Variants in KANK1 observed in about 807,000 individuals in gnomAD.
KANK1 encodes KN motif and ankyrin repeat domains 1.
In KANK1, 109 loss-of-function variants were observed where a neutral mutation model predicts 106.2. The observed-to-expected ratio is 1.03, with a 90% confidence interval of 0.88 to 1.20. The LOEUF (loss-of-function observed/expected upper bound fraction) is 1.20, where lower values mean the gene tolerates loss of function less well. Ranked by LOEUF, KANK1 falls within the 50% of genes most tolerant of loss-of-function variation. The pLI, the probability that KANK1 is intolerant of heterozygous loss-of-function variation, is 0.00. For synonymous variants in KANK1, 873 were observed against 652.2 expected (o/e 1.34, Z -5.16); for missense variants, 2,399 against 1,710.7 (o/e 1.40, Z -7.10).
chr9:694,613 C>G (rs1176219508), intron 2 of KANK1, among the ~76,000 whole-genome samples: 1 of 152,152 alleles, frequency 6.6e-6, no homozygotes, highest in Admixed American at 6.5e-5. Flanking sequence ...CTGTATAAAC[C>G]GCAAGGCCCC....
At chr9:472,567 T>C (rs2058040161) in intron 2 of KANK1, among the ~76,000 whole-genome samples, 1 of 152,178 alleles carries the variant, frequency 6.6e-6, no homozygotes, top group South Asian at 2.1e-4. Flanking sequence ...CTTTGGCCCA[T>C]AGAATGCGGC....
At chr9:727,874 C>T (rs770004811) in intron 3 of KANK1, among the ~76,000 whole-genome samples, 28 of 152,208 alleles carry the variant, frequency 1.8e-4, no homozygotes, top group Non-Finnish European at 3.7e-4. Context: ...AAATTCTAAG[C>T]CCCCTAACCA....
At chr9:508,279 A>G (rs2058865455) in intron 1 of KANK1, among the ~76,000 whole-genome samples, 1 of 151,422 alleles carries the variant, frequency 6.6e-6, no homozygotes, top group Admixed American at 6.6e-5. Context: ...CTGGGATTGC[A>G]GGCATCTGCC....
intron 11 of KANK1, 140 bp from the exon 12 acceptor site, chr9:745,033 C>G: frequency 6.6e-7 from 1 of 1,516,066 alleles, no homozygotes; most frequent in East Asian, 2.3e-5. Context: ...ACACCTGTTC[C>G]CTGTTCTCAG....
chr9:709,286 A>T (rs1825235899), intron 2 of KANK1, among the ~76,000 whole-genome samples: 1 of 152,212 alleles, frequency 6.6e-6, no homozygotes, highest in African/African-American at 2.4e-5. Flanking sequence ...ATGCTGCCAG[A>T]GTTAATCACT....
chr9:616,289 C>G (rs1484479493), intron 1 of KANK1, among the ~76,000 whole-genome samples: 1 of 152,134 alleles, frequency 6.6e-6, no homozygotes, highest in Non-Finnish European at 1.5e-5. Context: ...AGTGAGTCCT[C>G]AGCATTTAGG....
chr9:614,170 G>A (rs1186912379), intron 1 of KANK1, among the ~76,000 whole-genome samples: 1 of 152,164 alleles, frequency 6.6e-6, no homozygotes, highest in Admixed American at 6.5e-5. Context: ...AGGAGTTACT[G>A]ACAAGAGTTC....
At chr9:504,081 G>A (rs2058621223), upstream of KANK1, among the ~76,000 whole-genome samples, 1 of 152,150 alleles carries the variant, frequency 6.6e-6, no homozygotes, top group South Asian at 2.1e-4. Flanking sequence ...AGGAAACAGA[G>A]CTCTGCACGC....
chr9:519,371 T>G (rs898792635), intron 1 of KANK1, among the ~76,000 whole-genome samples: 1 of 151,850 alleles, frequency 6.6e-6, no homozygotes, highest in Non-Finnish European at 1.5e-5. Context: ...ATATTTTTCC[T>G]TCAGAAATTA....
chr9:618,490 G>C (rs6477035), intron 1 of KANK1, among the ~76,000 whole-genome samples: 1 of 151,952 alleles, frequency 6.6e-6, no homozygotes, highest in Non-Finnish European at 1.5e-5. Flanking sequence ...TTACAGTCGT[G>C]AGCTACCATG....
At chr9:560,487 T>C (rs1238132792) in intron 1 of KANK1, among the ~76,000 whole-genome samples, 3 of 152,130 alleles carry the variant, frequency 2.0e-5, no homozygotes, top group Non-Finnish European at 4.4e-5. Context: ...GAATTGAAGG[T>C]TGGATTGTGG....
chr9:556,172 AG>A (rs1301362558), intron 1 of KANK1, among the ~76,000 whole-genome samples: 1 of 152,220 alleles, frequency 6.6e-6, no homozygotes. Context: ...TTTAAAGAGG[AG>A]GAGAAATTTT....
chr9:664,732 A>G (rs1240827607), intron 1 of KANK1, among the ~76,000 whole-genome samples: 1 of 152,132 alleles, frequency 6.6e-6, no homozygotes, highest in African/African-American at 2.4e-5. Context: ...CTACTTTTAC[A>G]TTTTTGAGGA....
intron 3 of KANK1, among the ~76,000 whole-genome samples, chr9:496,589 TAAATA>T (rs895491810): frequency 5.3e-5 from 8 of 152,142 alleles, no homozygotes; most frequent in Non-Finnish European, 1.2e-4. Flanking sequence ...AATTCATAAA[TAAATA>T]AATGAAAGAA....
At position 541,393 on chromosome 9, in the gene KANK1, C is replaced by T. The variant is rs191341920; in HGVS notation, c.-84+36639C>T. ...ATCCACATACAGAAAAATTAAACCCCTTTCTCACACCATATACAAAAATCA... is the reference window on the plus strand; with the variant it reads ...ATCCACATACAGAAAAATTAAACCCTTTTCTCACACCATATACAAAAATCA... On this transcript the variant is annotated intron_variant, in intron 1 of 11. Transcript: ENST00000382297. Among the ~76,000 whole-genome samples, 23 of 152,198 alleles carry T rather than the reference C, an allele frequency of 1.5e-4. No individual in the cohort carries two copies. In the East Asian group the frequency reaches 4.2e-3, roughly 28 times the overall value.
Position 615,509 on chromosome 9 carries a change from C to A in KANK1, c.-83-61381C>A, listed in dbSNP as rs1253912294. Among the ~76,000 whole-genome samples, 4 of 152,056 alleles carry A rather than the reference C, an allele frequency of 2.6e-5. No homozygotes were observed. The East Asian group carries it at 7.7e-4, about 29-fold the overall frequency. Reference sequence around the variant, plus strand: ...GAGGGGGAATAATGTTGTTTCTTTTCTCTTTTTCTTATCAAATAGACTAAA... The same window carrying A: ...GAGGGGGAATAATGTTGTTTCTTTTATCTTTTTCTTATCAAATAGACTAAA... On this transcript the variant is annotated intron_variant, in intron 1 of 11. Coordinates refer to ENST00000382297, the MANE Select transcript of KANK1 (RefSeq NM_015158.5).
chr9:707,183 G>C (rs1218585662), intron 2 of KANK1: 1 of 985,734 alleles, frequency 1.0e-6, no homozygotes, highest in African/African-American at 1.7e-5. Flanking sequence ...GGCCGGGTCC[G>C]GCTGAGCTGG....
intron 1 of KANK1, among the ~76,000 whole-genome samples, chr9:655,258 C>G (rs1841875055): frequency 6.6e-6 from 1 of 151,870 alleles, no homozygotes; most frequent in Non-Finnish European, 1.5e-5. Flanking sequence ...GTAATCCCAG[C>G]TACTCGGGAG....
intron 3 of KANK1, among the ~76,000 whole-genome samples, chr9:473,474 T>A (rs1489285490): frequency 1.3e-5 from 2 of 152,200 alleles, no homozygotes; most frequent in African/African-American, 2.4e-5. Context: ...CATCATGACA[T>A]CACAGCTCTG....
Sources: gnomAD v4.1 joint callset for allele counts (sites outside exome capture counted in the v4.1 genomes callset) on GRCh38, gnomAD v4.1.1 for gene constraint, MANE v1.5 for transcripts, NCBI Gene and HGNC (gene_info 2026-07-23, HGNC 2026-07-21) for gene names.